Variants in MACROD2 observed in about 807,000 individuals in gnomAD.
MACROD2 encodes the protein mono-ADP ribosylhydrolase 2.
A neutral mutation model predicts 70.4 loss-of-function variants in MACROD2; 36 were observed. The observed-to-expected ratio is 0.51, with a 90% CI of 0.39 to 0.68. The LOEUF (loss-of-function observed/expected upper bound fraction) is 0.68. Ranked by LOEUF, MACROD2 falls within the 30% of genes least tolerant of loss-of-function variation. The pLI is 0.00. For synonymous variants in MACROD2, 172 were observed against 178.8 expected, an observed-to-expected ratio of 0.96 and a Z score of 0.30; for missense variants, 496 against 538.4, an observed-to-expected ratio of 0.92 and a Z score of 0.78.
At chr20:14,043,439 G>A in intron 2 of MACROD2, among the ~76,000 whole-genome samples, 1 of 152,230 alleles carries the variant, frequency 6.6e-6, no homozygotes, top group East Asian at 1.9e-4. Flanking sequence ...CTCTGAGTGT[G>A]CCACCCTAGA....
intron 7 of MACROD2, among the ~76,000 whole-genome samples, chr20:15,481,213 TA>T (rs1300388194): frequency 6.6e-6 from 1 of 152,236 alleles, no homozygotes; most frequent in Non-Finnish European, 1.5e-5. Flanking sequence ...CCATGTAAGA[TA>T]ACATTATGGT....
chr20:14,964,589 TA>T (rs370363407), intron 5 of MACROD2, among the ~76,000 whole-genome samples: 36 of 147,124 alleles, frequency 2.4e-4, no homozygotes, highest in South Asian at 1.1e-3. Flanking sequence ...ATAAAAAAAA[TA>T]AAAAAAAAAT....
intron 3 of MACROD2, among the ~76,000 whole-genome samples, chr20:14,201,408 T>C (rs2081478421): frequency 1.3e-5 from 2 of 152,236 alleles, no homozygotes; most frequent in South Asian, 4.1e-4. Context: ...TTTTGTGCTT[T>C]AAAATTATAA....
chr20:14,487,404 G>C (rs1033626482), intron 3 of MACROD2, among the ~76,000 whole-genome samples: 3 of 152,202 alleles, frequency 2.0e-5, no homozygotes, highest in Non-Finnish European at 4.4e-5. Flanking sequence ...GAAACTCCAA[G>C]AGTTTAATTT....
chr20:14,581,769 C>G (rs532219373), intron 4 of MACROD2, among the ~76,000 whole-genome samples: 1 of 152,146 alleles, frequency 6.6e-6, no homozygotes, highest in Non-Finnish European at 1.5e-5. Context: ...GAGATATAAC[C>G]TGATAACTCC....
intron 2 of MACROD2, among the ~76,000 whole-genome samples, chr20:14,034,986 G>A (rs1160066781): frequency 6.6e-6 from 1 of 151,910 alleles, no homozygotes; most frequent in African/African-American, 2.4e-5. Flanking sequence ...GTCTTAATCG[G>A]TTTTGGTTAA....
chr20:14,761,570 T>C (rs1467595002), intron 5 of MACROD2, among the ~76,000 whole-genome samples: 1 of 152,144 alleles, frequency 6.6e-6, no homozygotes, highest in Non-Finnish European at 1.5e-5. Context: ...ATCCTTATTA[T>C]GAAATAGCTG....
chr20:15,858,405 T>A (rs1289483332), intron 8 of MACROD2, among the ~76,000 whole-genome samples: 2 of 152,196 alleles, frequency 1.3e-5, no homozygotes, highest in Admixed American at 1.3e-4. Flanking sequence ...ACAAGTCAGA[T>A]TTCCAATCTC....
chr20:16,052,201 T>C lies in MACROD2; in HGVS notation c.*2325T>C, dbSNP rs956990177. 6.6e-6 allele frequency: 1 copy of C among 152,256 alleles called. No homozygotes were observed. Among genetic ancestry groups the C allele is most frequent in the Non-Finnish European group, 1.5e-5 (1 of 68,046 alleles). 9.4% of individuals were successfully genotyped at this position (152,256 alleles called of 1,614,324 possible). On this transcript the variant is annotated 3_prime_UTR_variant, in exon 18 of 18. Transcript: ENST00000684519. ...ATGCTTTTTGGTTGTTATTTGGCTA[T>C]ACAGTTTTATGCTTTAAAACAAATG...
intron 6 of MACROD2, among the ~76,000 whole-genome samples, chr20:15,278,530 G>C (rs1283867803): frequency 6.6e-6 from 1 of 152,190 alleles, no homozygotes; most frequent in African/African-American, 2.4e-5. Flanking sequence ...CCTAGTCTCA[G>C]GTGTCTTCCA....
At chr20:15,496,411 T>G in intron 7 of MACROD2, among the ~76,000 whole-genome samples, 1 of 152,158 alleles carries the variant, frequency 6.6e-6, no homozygotes, top group East Asian at 1.9e-4. Flanking sequence ...ACCTTGAGGT[T>G]AAGATGAAAA....
chr20:14,606,673 TTTAA>T (rs1052131044), intron 4 of MACROD2, among the ~76,000 whole-genome samples: 13 of 152,290 alleles, frequency 8.5e-5, no homozygotes, highest in African/African-American at 3.1e-4. Flanking sequence ...CAATAATAAC[TTTAA>T]TTGTTAGAAC....
chr20:14,988,826 A>G (rs2074873832), intron 5 of MACROD2, among the ~76,000 whole-genome samples: 1 of 152,202 alleles, frequency 6.6e-6, no homozygotes, highest in African/African-American at 2.4e-5. Context: ...GGATTTACAT[A>G]TGAGTTTTAT....
At chr20:15,953,973 T>C (rs2065941979) in intron 12 of MACROD2, among the ~76,000 whole-genome samples, 2 of 152,138 alleles carry the variant, frequency 1.3e-5, no homozygotes, top group Admixed American at 1.3e-4. Context: ...ATTATATTTT[T>C]GATCTTGGAG....
intron 3 of MACROD2, among the ~76,000 whole-genome samples, chr20:14,232,590 C>G (rs2081827130): frequency 6.6e-6 from 1 of 152,248 alleles, no homozygotes; most frequent in Non-Finnish European, 1.5e-5. Context: ...AGCTTTTCTT[C>G]TGCAGCTTCC....
intron 4 of MACROD2, among the ~76,000 whole-genome samples, chr20:14,646,487 A>T (rs544493794): frequency 1.3e-5 from 2 of 152,254 alleles, no homozygotes; most frequent in South Asian, 4.1e-4. Context: ...GTATTATATT[A>T]TCCAACTATA....
chr20:15,907,276 G>T (rs1294001769), intron 10 of MACROD2, among the ~76,000 whole-genome samples: 2 of 152,146 alleles, frequency 1.3e-5, no homozygotes, highest in African/African-American at 4.8e-5. Flanking sequence ...TTCAATGTGG[G>T]GAACCAGCTC....
chr20:15,291,200 T>C (rs2077538018), intron 6 of MACROD2, among the ~76,000 whole-genome samples: 1 of 152,200 alleles, frequency 6.6e-6, no homozygotes, highest in Non-Finnish European at 1.5e-5. Flanking sequence ...CAAATTAAGC[T>C]AAATGCTTAG....
chr20:15,077,979 A>C (rs1753082964), intron 5 of MACROD2, among the ~76,000 whole-genome samples: 1 of 152,054 alleles, frequency 6.6e-6, no homozygotes, highest in South Asian at 2.1e-4. Flanking sequence ...CAATGCGGGG[A>C]AAGGGCCACT....
Sources: allele counts gnomAD v4.1 joint callset (sites outside exome capture counted in the v4.1 genomes callset), GRCh38; gene constraint gnomAD v4.1.1; transcripts MANE v1.5; gene names NCBI Gene and HGNC (gene_info 2026-07-23, HGNC 2026-07-21).